Variants in SPON1 observed in about 807,000 individuals in gnomAD.
The protein encoded by SPON1 is spondin 1, also known as spondin-1.
SPON1 carries 52 observed loss-of-function variants against 111.7 expected under a neutral mutation model. The ratio of observed to expected loss-of-function variants is 0.47; its 90% CI spans 0.37 to 0.59. SPON1 has a LOEUF of 0.59. Ranked by LOEUF, SPON1 falls within the 20% of genes least tolerant of loss-of-function variation. The probability of loss-of-function intolerance (pLI) is 0.00; values close to 1 mark genes in which losing one functional copy is unlikely to be tolerated. For missense variants in SPON1, 957 were observed against 1,068.5 expected, an observed-to-expected ratio of 0.90 and a Z score of 1.46; for synonymous variants, 410 against 395.8, an observed-to-expected ratio of 1.04 and a Z score of -0.43.
chr11:14,025,880 A>T (rs1281533211), intron 2 of SPON1, among the ~76,000 whole-genome samples: 1 of 152,154 alleles, frequency 6.6e-6, no homozygotes, highest in East Asian at 1.9e-4. Context: ...CAGAGACAAG[A>T]ACTATGCCAT....
intron 2 of SPON1, among the ~76,000 whole-genome samples, chr11:14,012,820 C>T (rs1235000405): frequency 6.6e-6 from 1 of 151,960 alleles, no homozygotes; most frequent in Non-Finnish European, 1.5e-5. Flanking sequence ...CTTGGACTCC[C>T]CAGGGCCCAG....
intron 2 of SPON1, among the ~76,000 whole-genome samples, chr11:14,014,512 G>T (rs1848430801): frequency 6.6e-6 from 1 of 152,202 alleles, no homozygotes; most frequent in Non-Finnish European, 1.5e-5. Context: ...TGTCAATTCT[G>T]ATCAAGTGGT....
Position 14,075,374 on chromosome 11 carries a change from A to G in SPON1, c.509A>G (p.Tyr170Cys). 6.4e-7 allele frequency: 1 copy of G among 1,560,450 alleles called. No individual in the cohort carries two copies. ...KASIVQKRIIYFQDEGSLTKK... is the reference protein window; with the variant it reads ...KASIVQKRIICFQDEGSLTKK... ...AGCATCGTACAAAAACGCATTATTT[A>G]TTTTCAAGATGAGGGCTCTCTGACC... The change falls in exon 4 of 16, where the codon TAT becomes TGT. Residue 170 changes from tyrosine (Y) to cysteine (C), a missense_variant. Transcript: ENST00000576479.
In SPON1 at chr11:14,259,502, A is replaced by G. The variant is rs766491040; in HGVS notation, c.1664-32A>G. On this transcript the variant is annotated intron_variant, in intron 12 of 15. Coordinates refer to ENST00000576479, the MANE Select transcript of SPON1 (RefSeq NM_006108.4). The surrounding 1 kb of genome is among the most constrained non-coding windows in gnomAD (Gnocchi z 5.0). ...CGGGCAAGTAGGTCGGGGAGGCAGC[A>G]GGTGCGACTCCAATGCCGCTGGCCT... 6.4e-7 allele frequency: 1 copy of G among 1,569,454 alleles called. No homozygotes were observed. Among genetic ancestry groups the G allele is most frequent in the South Asian group, 1.2e-5 (1 of 85,484 alleles).
At chr11:14,014,725 A>T (rs1280038150) in intron 2 of SPON1, among the ~76,000 whole-genome samples, 1 of 152,182 alleles carries the variant, frequency 6.6e-6, no homozygotes, top group Non-Finnish European at 1.5e-5. Flanking sequence ...AAAGGACACA[A>T]AACACAGGAA....
chr11:14,113,928 A>G (rs182977533), intron 5 of SPON1, among the ~76,000 whole-genome samples: 2 of 152,086 alleles, frequency 1.3e-5, no homozygotes, highest in Non-Finnish European at 2.9e-5. Flanking sequence ...ATGTTTCTGC[A>G]TACAGAGTGG....
chr11:13,992,113 C>A (rs1848235625), intron 2 of SPON1, among the ~76,000 whole-genome samples: 2 of 152,214 alleles, frequency 1.3e-5, no homozygotes, highest in African/African-American at 4.8e-5. Context: ...CTGCTCTCTT[C>A]AGAGCCATCA....
chr11:14,085,126 T>A (rs9718056), intron 5 of SPON1, among the ~76,000 whole-genome samples: 60,314 of 152,040 alleles, frequency 0.4, 12,453 homozygotes, highest in East Asian at 0.56. Flanking sequence ...TTTCTTTTGC[T>A]GTGATGAAGC....
At chr11:14,219,876 T>C (rs909314010) in intron 6 of SPON1, among the ~76,000 whole-genome samples, 36 of 152,248 alleles carry the variant, frequency 2.4e-4, no homozygotes, top group African/African-American at 8.2e-4. Flanking sequence ...TGGCTTATCA[T>C]GAAGACTTTC....
intron 6 of SPON1, among the ~76,000 whole-genome samples, chr11:14,175,956 C>T (rs1554933032): frequency 6.6e-6 from 1 of 152,180 alleles, no homozygotes; most frequent in Non-Finnish European, 1.5e-5. Context: ...ACATTACTTA[C>T]CTTGTTCAGC....
chr11:14,189,006 A>T (rs534189136), intron 6 of SPON1, among the ~76,000 whole-genome samples: 17 of 152,352 alleles, frequency 1.1e-4, no homozygotes, highest in Admixed American at 6.5e-4. Context: ...GGCTTTCCAA[A>T]TGTTTTCCAC....
At chr11:14,249,155 T>C (rs1398266254) in intron 7 of SPON1, among the ~76,000 whole-genome samples, 1 of 152,200 alleles carries the variant, frequency 6.6e-6, no homozygotes, top group African/African-American at 2.4e-5. Context: ...TCCCAGCCAC[T>C]CTGCCGGATT....
At chr11:14,124,903 C>T (rs151166602) in intron 5 of SPON1, among the ~76,000 whole-genome samples, 5 of 152,142 alleles carry the variant, frequency 3.3e-5, no homozygotes, top group Admixed American at 1.3e-4. Flanking sequence ...TTCCTGGGAA[C>T]GGAAAAGTGG....
At chr11:14,009,998 A>G (rs567429353) in intron 2 of SPON1, among the ~76,000 whole-genome samples, 1 of 152,332 alleles carries the variant, frequency 6.6e-6, no homozygotes, top group Non-Finnish European at 1.5e-5. Context: ...TTCCCATCAA[A>G]TGAGGACAGG....
At chr11:14,219,092 TC>T (rs1554937371) in intron 6 of SPON1, among the ~76,000 whole-genome samples, 1 of 152,150 alleles carries the variant, frequency 6.6e-6, no homozygotes, top group Non-Finnish European at 1.5e-5. Context: ...TAGAAAGCCA[TC>T]CTGCTCACCA....
intron 5 of SPON1, among the ~76,000 whole-genome samples, chr11:14,095,441 T>C (rs75478424): frequency 1.2e-4 from 17 of 142,948 alleles, no homozygotes; most frequent in Non-Finnish European, 1.7e-4. Flanking sequence ...GATAGATAGA[T>C]AGATAGATAA....
chr11:14,146,610 G>A (rs1216254134), intron 6 of SPON1, among the ~76,000 whole-genome samples: 19 of 152,088 alleles, frequency 1.2e-4, no homozygotes, highest in Admixed American at 9.2e-4. Flanking sequence ...ACAGGCTGAC[G>A]CTATAGAAAT....
chr11:14,002,191 A>G, intron 2 of SPON1, among the ~76,000 whole-genome samples: 1 of 152,352 alleles, frequency 6.6e-6, no homozygotes, highest in East Asian at 1.9e-4. Flanking sequence ...TCTTCCTTAT[A>G]GAATTACTGA....
chr11:14,237,623 G>C (rs915719513), intron 6 of SPON1, among the ~76,000 whole-genome samples: 1 of 152,228 alleles, frequency 6.6e-6, no homozygotes, highest in Non-Finnish European at 1.5e-5. Context: ...TGTTGAATGG[G>C]GGAATGCACA....
Sources: gnomAD v4.1 joint callset for allele counts (sites outside exome capture counted in the v4.1 genomes callset) on GRCh38, gnomAD v4.1.1 for gene constraint, Gnocchi (gnomAD v3.1) non-coding constraint, MANE v1.5 for transcripts, NCBI Gene and HGNC (gene_info 2026-07-23, HGNC 2026-07-21) for gene names.